Variants in DYNC2H1 observed in about 807,000 individuals in gnomAD.
The protein encoded by DYNC2H1 is cytoplasmic dynein 2 heavy chain 1.
A neutral mutation model predicts 570.0 loss-of-function variants in DYNC2H1; 410 were observed. The observed-to-expected ratio is 0.72, with a 90% CI of 0.66 to 0.78. The LOEUF (loss-of-function observed/expected upper bound fraction) is 0.78. Ranked by LOEUF, DYNC2H1 falls within the 30% of genes least tolerant of loss-of-function variation. The pLI is 0.00. For missense variants in DYNC2H1, 4,865 were observed against 5,046.4 expected (o/e 0.96, Z 1.09); for synonymous variants, 1,688 against 1,677.6 (o/e 1.01, Z -0.15).
chr11:103,173,163 G>C lies in DYNC2H1; in HGVS notation c.5416G>C (p.Asp1806His). 6.3e-7 allele frequency: 1 copy of C among 1,578,616 alleles called. No individual in the cohort carries two copies. The highest frequency in any genetic ancestry group is 8.6e-7 in the Non-Finnish European group (1 of 1,162,438). ...KGYGGRQKLP[D>H]NLKQLFRPVA... ...TTATGGAGGAAGACAAAAACTGCCT[G>C]ATAATCTTAAACAGCTTTTCAGGCC... Residue 1806 changes from aspartate to histidine, a missense_variant, in exon 35 of 89, where the codon GAT becomes CAT. This residue lies in a region of DYNC2H1 where 292 missense variants were observed against 300.2 expected (regional missense o/e 0.97). Transcript: ENST00000375735.
intron 87 of DYNC2H1, among the ~76,000 whole-genome samples, chr11:103,456,838 C>T (rs1441610064): frequency 1.3e-5 from 2 of 152,132 alleles, no homozygotes; most frequent in South Asian, 2.1e-4. Context: ...GTTCAGTGTG[C>T]GCAAACATTG....
At chr11:103,463,218 A>G (rs1280150124) in intron 87 of DYNC2H1, among the ~76,000 whole-genome samples, 2 of 152,242 alleles carry the variant, frequency 1.3e-5, no homozygotes. Context: ...GGCTTGAAAT[A>G]CAAGATAAGT....
chr11:103,468,149 A>G (rs12418302), intron 87 of DYNC2H1, among the ~76,000 whole-genome samples: 24,880 of 152,166 alleles, frequency 0.16, 2,197 homozygotes, highest in Admixed American at 0.25. Context: ...TATTCATATC[A>G]CATGTCGTTT....
Position 103,323,997 on chromosome 11 carries a change from TAA to T in DYNC2H1, c.12039+14_12039+15del. 1 of 1,564,572 alleles carries T rather than the reference TAA, an allele frequency of 6.4e-7. No homozygotes were observed. Among genetic ancestry groups the T allele is most frequent in the South Asian group, 1.2e-5 (1 of 80,266 alleles). ...GCGCATGATCAGTTCTCAGGTAACC[TAA>T]AAAAAAGATCTACCTTCAAAAAAAG... is the stretch of plus-strand genomic sequence containing the variant. On this transcript the variant is annotated splice_region_variant and intron_variant, in intron 82 of 88. Transcript: ENST00000375735.
rs1311858761 is a variant in DYNC2H1, at chr11:103,170,089, T to A, written c.4969-19T>A. The A allele has an allele frequency of 6.3e-7, 1 of 1,581,704 alleles. No homozygotes were observed. Among genetic ancestry groups the A allele is most frequent in the Admixed American group, 1.8e-5 (1 of 55,822 alleles). ...TGAATAGAACATGAATACTCTGACT[T>A]TGTGTTGTTCTTGTATAGGGTAATG... On this transcript the variant is annotated intron_variant, in intron 32 of 88. Coordinates refer to ENST00000375735, the MANE Select transcript of DYNC2H1 (RefSeq NM_001377.3). The surrounding 1 kb of genome is among the most constrained non-coding windows in gnomAD (Gnocchi z 4.8).
chr11:103,145,220 A>T lies in DYNC2H1; in HGVS notation c.2702+1825A>T, dbSNP rs1374931941. ...AATTATCTTGTTGGAACTCAAAATG[A>T]GGAGGAGGAAATAGTATGAGGAATT... is the stretch of plus-strand genomic sequence containing the variant. On this transcript the variant is annotated intron_variant, in intron 18 of 88. Coordinates refer to ENST00000375735, the MANE Select transcript of DYNC2H1 (RefSeq NM_001377.3). The surrounding 1 kb of genome is among the most constrained non-coding windows in gnomAD (Gnocchi z 4.2). 6.6e-6 allele frequency among the ~76,000 whole-genome samples: 1 copy of T among 152,140 alleles called. No individual in the cohort carries two copies. Among genetic ancestry groups the T allele is most frequent in the Non-Finnish European group, 1.5e-5 (1 of 68,020 alleles).
intron 75 of DYNC2H1, among the ~76,000 whole-genome samples, chr11:103,292,435 T>G (rs1037420876): frequency 6.6e-6 from 1 of 152,252 alleles, no homozygotes; most frequent in African/African-American, 2.4e-5. Flanking sequence ...TTTTTTGGTC[T>G]CAATTTATAT....
Position 103,199,299 on chromosome 11 carries a change from G to T in DYNC2H1, c.7911G>T (p.Met2637Ile). 6.2e-7 allele frequency: 1 copy of T among 1,611,550 alleles called. No homozygotes were observed. Among genetic ancestry groups the T allele is most frequent in the Non-Finnish European group, 8.5e-7 (1 of 1,179,644 alleles). The change falls in exon 49 of 89, where the codon ATG becomes ATT. Residue 2637 changes from methionine (M) to isoleucine (I), a missense_variant. Physicochemically the swap from Met to Ile is conservative, Grantham distance 10. Around this residue, in one of 5 missense-constraint regions of DYNC2H1, gnomAD observed 2,401 missense variants for 2,454.6 expected, o/e 0.98. Coordinates refer to ENST00000375735, the MANE Select transcript of DYNC2H1 (RefSeq NM_001377.3). The surrounding 1 kb of genome is among the most constrained non-coding windows in gnomAD (Gnocchi z 4.6). ...ILLFHEVLEYMSRIDRVLSFP... is the reference protein window; with the variant it reads ...ILLFHEVLEYISRIDRVLSFP... Reference sequence around the variant, plus strand: ...TTTTCCACGAAGTCTTGGAGTATATGTCTAGGATAGATAGAGTGCTGAGTT... The same window carrying T: ...TTTTCCACGAAGTCTTGGAGTATATTTCTAGGATAGATAGAGTGCTGAGTT...
chr11:103,114,296 A>G, intron 3 of DYNC2H1, 58 bp downstream of exon 3: 1 of 1,433,910 alleles, frequency 7.0e-7, no homozygotes, highest in Non-Finnish European at 9.2e-7. Context: ...TTAATACATT[A>G]GTAAATGAAC....
rs1039640767 is a variant in DYNC2H1 at position 103,245,629 on chromosome 11, T to C, written c.10042+255T>C. Among the ~76,000 whole-genome samples the C allele has an allele frequency of 1.3e-5, 2 of 152,088 alleles. No individual in the cohort carries two copies. Among genetic ancestry groups the C allele is most frequent in the Admixed American group, 1.3e-4 (2 of 15,240 alleles). On this transcript the variant is annotated intron_variant, in intron 65 of 88. Coordinates refer to ENST00000375735, the MANE Select transcript of DYNC2H1 (RefSeq NM_001377.3). This position sits in a 1 kb window ranked among gnomAD's most constrained non-coding sequence, Gnocchi z 4.5. Reference sequence around the variant, plus strand: ...ACACTCTCCCTAGCACATTACAAAATTCTAGACCCCCTGAAGGAAAGCAGG... The same window carrying C: ...ACACTCTCCCTAGCACATTACAAAACTCTAGACCCCCTGAAGGAAAGCAGG...
intron 59 of DYNC2H1, among the ~76,000 whole-genome samples, chr11:103,226,542 T>C (rs1276577441): frequency 6.6e-6 from 1 of 152,118 alleles, no homozygotes; most frequent in Admixed American, 6.6e-5. Context: ...ATGTTAAACT[T>C]GCATCCCTGG....
rs1274675757 is a variant in DYNC2H1, at chr11:103,325,545, C to T, written c.12039+1555C>T. Among the ~76,000 whole-genome samples the T allele has an allele frequency of 6.6e-6, 1 of 152,084 alleles. No individual in the cohort carries two copies. The highest frequency in any genetic ancestry group is 1.5e-5 in the Non-Finnish European group (1 of 68,012). On this transcript the variant is annotated intron_variant, in intron 82 of 88. Coordinates refer to ENST00000375735, the MANE Select transcript of DYNC2H1 (RefSeq NM_001377.3). The surrounding 1 kb of genome is among the most constrained non-coding windows in gnomAD (Gnocchi z 4.8). ...GTAGGTGTGTAGCTTTATTTCTAGG[C>T]CCTCTATTCTGTTCTGTTGGTTTAT...
At chr11:103,445,494 T>C (rs181393004) in intron 85 of DYNC2H1, among the ~76,000 whole-genome samples, 3 of 152,236 alleles carry the variant, frequency 2.0e-5, no homozygotes, top group African/African-American at 7.2e-5. Flanking sequence ...GTAATCCAAG[T>C]GAGGTTATGA....
intron 79 of DYNC2H1, among the ~76,000 whole-genome samples, chr11:103,312,929 T>C (rs1867666769): frequency 6.6e-6 from 1 of 152,176 alleles, no homozygotes; most frequent in Admixed American, 6.5e-5. Context: ...AGCTTCCCTA[T>C]CCAATCCATC....
At chr11:103,182,353 CAA>C (rs1861889389) in intron 40 of DYNC2H1, among the ~76,000 whole-genome samples, 1 of 150,488 alleles carries the variant, frequency 6.6e-6, no homozygotes, top group African/African-American at 2.4e-5. Flanking sequence ...AGGTTAAAAA[CAA>C]TATGAAGTTA....
In DYNC2H1 at chr11:103,243,711, C is replaced by A; in HGVS notation, c.9838C>A (p.Leu3280Ile). The change falls in exon 64 of 89, where the codon CTT becomes ATT. Residue 3280 changes from leucine to isoleucine, a missense_variant. This residue lies in a region of DYNC2H1 where 2,401 missense variants were observed against 2,454.6 expected (regional missense o/e 0.98). Transcript: ENST00000375735. This position sits in a 1 kb window ranked among gnomAD's most constrained non-coding sequence, Gnocchi z 4.8. ...VILQSRVCPF[L>I]IDPSSQATEW... is the part of the protein sequence containing the mutation. ...ATACTAGAGTCGAGTGTGCCCATTT[C>A]TTATAGATCCTTCTTCCCAAGCTAC... 1 of 1,603,986 alleles carries A rather than the reference C, an allele frequency of 6.2e-7. No homozygotes were observed. The highest frequency in any genetic ancestry group is 1.1e-5 in the South Asian group (1 of 89,214).
At chr11:103,389,464 A>AT (rs1469835159) in intron 83 of DYNC2H1, among the ~76,000 whole-genome samples, 1 of 151,950 alleles carries the variant, frequency 6.6e-6, no homozygotes, top group Non-Finnish European at 1.5e-5. Context: ...GGATTCATTG[A>AT]TTTCTTGAAG....
chr11:103,426,600 G>C (rs1011050966), intron 84 of DYNC2H1, among the ~76,000 whole-genome samples: 3 of 152,126 alleles, frequency 2.0e-5, no homozygotes, highest in Non-Finnish European at 4.4e-5. Flanking sequence ...ATCTATGTTA[G>C]CTTGGAAGAC....
rs866777192 is a variant in DYNC2H1, at chr11:103,455,213, G to T, written c.12484G>T (p.Ala4162Ser). The T allele has an allele frequency of 1.2e-5, 19 of 1,613,004 alleles. 1 individual carries two copies. The highest frequency in any genetic ancestry group is 9.4e-5 in the African/African-American group (7 of 74,850). ...QNWVDKAEKQALLSETLDLSE... is the reference protein window; with the variant it reads ...QNWVDKAEKQSLLSETLDLSE... ...CTGGGTAGATAAAGCTGAAAAACAG[G>T]CTCTTCTCTCTGAAACACTTGACCT... is the stretch of plus-strand genomic sequence containing the variant. The change falls in exon 86 of 89, where the codon GCT becomes TCT. Residue 4162 changes from alanine to serine, a missense_variant. Transcript: ENST00000375735.
Sources: gnomAD v4.1 joint callset for allele counts (sites outside exome capture counted in the v4.1 genomes callset) on GRCh38, gnomAD v4.1.1 for gene constraint, gnomAD v4.1.1 regional missense constraint, Gnocchi (gnomAD v3.1) non-coding constraint, MANE v1.5 for transcripts, NCBI Gene and HGNC (gene_info 2026-07-23, HGNC 2026-07-21) for gene names.